RAI1: variants seen among roughly 807,000 people sequenced by gnomAD.
RAI1 encodes retinoic acid induced 1, also known as retinoic acid-induced protein 1.
RAI1 carries 9 observed loss-of-function variants against 123.8 expected under a neutral mutation model. The observed-to-expected ratio is 0.07, with a 90% CI of 0.04 to 0.13. The LOEUF (loss-of-function observed/expected upper bound fraction) is 0.13, where lower values mean the gene tolerates loss of function less well. RAI1 is among the 10% of genes least tolerant of loss of function. The pLI, the probability that RAI1 is intolerant of heterozygous loss-of-function variation, is 1.00. For missense variants in RAI1, 2,256 were observed against 2,545.8 expected (o/e 0.89, Z 2.45); for synonymous variants, 1,231 against 1,127.3 (o/e 1.09, Z -1.84).
At chr17:17,704,135 T>C (rs1280669546) in intron 1 of RAI1, among the ~76,000 whole-genome samples, 1 of 151,998 alleles carries the variant, frequency 6.6e-6, no homozygotes, top group Non-Finnish European at 1.5e-5. Flanking sequence ...GAAAGTGGAG[T>C]GCGTGTGCTC....
At chr17:17,803,552 A>G (rs372630153) in intron 3 of RAI1, among the ~76,000 whole-genome samples, 1 of 151,906 alleles carries the variant, frequency 6.6e-6, no homozygotes, top group Non-Finnish European at 1.5e-5. Flanking sequence ...ACACACCACC[A>G]ACCCTCACTA....
At chr17:17,705,580 G>A (rs899891974) in intron 1 of RAI1, among the ~76,000 whole-genome samples, 1 of 136,530 alleles carries the variant, frequency 7.3e-6, no homozygotes, top group Admixed American at 7.4e-5. Context: ...ACAAAAACGA[G>A]CCAGGTGTGG....
In RAI1 at chr17:17,793,779, C is replaced by CCAGCAGCAGCAGCAGCAGCAGCAG. The variant is rs371983878; in HGVS notation, c.849_872dup (p.Gln284_Gln291dup). 8.1e-6 allele frequency: 11 copies of CCAGCAGCAGCAGCAGCAGCAGCAG among 1,357,644 alleles called. No individual in the cohort carries two copies. Among genetic ancestry groups the CCAGCAGCAGCAGCAGCAGCAGCAG allele is most frequent in the African/African-American group, 3.8e-5 (2 of 52,360 alleles). 84.1% of individuals were successfully genotyped at this position (1,357,644 alleles called of 1,614,324 possible). A position where few individuals can be genotyped will look rare whatever the true frequency, so the allele number is the denominator to read the frequency against. ...ACCAGTCGGGCCGCCTCAGCTATGA[C>CCAGCAGCAGCAGCAGCAGCAGCAG]CAGCAGCAGCAGCAGCAGCAGCAGC... On this transcript the variant is annotated inframe_insertion, in exon 3 of 6. Transcript: ENST00000353383.
At chr17:17,720,248 T>C (rs937809557) in intron 1 of RAI1, among the ~76,000 whole-genome samples, 4 of 152,334 alleles carry the variant, frequency 2.6e-5, no homozygotes, top group Non-Finnish European at 5.9e-5. Context: ...AGATAGTGCT[T>C]GGCAAACAAA....
chr17:17,706,913 T>C (rs964142863), intron 1 of RAI1, among the ~76,000 whole-genome samples: 5 of 152,228 alleles, frequency 3.3e-5, no homozygotes, highest in Non-Finnish European at 4.4e-5. Flanking sequence ...AACACAGTTA[T>C]TGAGATCCTA....
chr17:17,722,999 C>G (rs1270978413), intron 1 of RAI1, among the ~76,000 whole-genome samples: 2 of 152,180 alleles, frequency 1.3e-5, no homozygotes, highest in African/African-American at 4.8e-5. Context: ...GATCCAGCCA[C>G]ACACGCAACC....
At chr17:17,792,781 C>A (rs1261827883) in intron 2 of RAI1, among the ~76,000 whole-genome samples, 152 bp from the exon 3 acceptor site, 1 of 18,422 alleles carries the variant, frequency 5.4e-5, no homozygotes, top group Admixed American at 8.4e-4. Flanking sequence ...AAGAGCTGCG[C>A]GGGGGAGCAG....
In RAI1 at chr17:17,687,417, G is replaced by T. The variant is rs536572690; in HGVS notation, c.-149+5624G>T. Among the ~76,000 whole-genome samples the T allele has an allele frequency of 7.9e-5, 12 of 152,258 alleles. No individual in the cohort carries two copies. In the South Asian group the frequency reaches 2.3e-3, roughly 29 times the overall value. Reference sequence around the variant, plus strand: ...CAAGTCACCCACTCCTTGGGCATGAGAAACCAGGGACCCCGTGGAGACAGC... The same window carrying T: ...CAAGTCACCCACTCCTTGGGCATGATAAACCAGGGACCCCGTGGAGACAGC... On this transcript the variant is annotated intron_variant, in intron 1 of 5. Coordinates refer to ENST00000353383, the MANE Select transcript of RAI1 (RefSeq NM_030665.4).
intron 2 of RAI1, among the ~76,000 whole-genome samples, chr17:17,735,947 G>A (rs899403560): frequency 7.9e-5 from 12 of 152,186 alleles, no homozygotes; most frequent in Non-Finnish European, 1.8e-4. Flanking sequence ...GGAATATAGG[G>A]GACTGTGATT....
intron 2 of RAI1, among the ~76,000 whole-genome samples, chr17:17,742,256 A>G (rs1305279240): frequency 6.6e-6 from 1 of 152,238 alleles, no homozygotes; most frequent in Non-Finnish European, 1.5e-5. Context: ...CTCCCAGCCC[A>G]GCCTCTGATC....
rs536026559 is a variant in RAI1 at position 17,717,717 on chromosome 17, C to G, written c.-148-6311C>G. Among the ~76,000 whole-genome samples the G allele has an allele frequency of 2.6e-5, 4 of 152,292 alleles. No homozygotes were observed. The East Asian group carries it at 7.7e-4, about 29-fold the overall frequency. ...CCCAGGGCCTTGCCTCTTTTAAGTT[C>G]AGCAGATTTGACTTCACTCAGACGC... On this transcript the variant is annotated intron_variant, in intron 1 of 5. Coordinates refer to ENST00000353383, the MANE Select transcript of RAI1 (RefSeq NM_030665.4).
intron 2 of RAI1, among the ~76,000 whole-genome samples, chr17:17,754,485 C>T (rs1266391583): frequency 6.6e-6 from 1 of 152,172 alleles, no homozygotes; most frequent in Admixed American, 6.5e-5. Context: ...ATCCGCCTGC[C>T]TCGGCCTCCC....
intron 2 of RAI1, among the ~76,000 whole-genome samples, chr17:17,772,646 C>G (rs1397812844): frequency 6.6e-6 from 1 of 152,222 alleles, no homozygotes; most frequent in Non-Finnish European, 1.5e-5. Context: ...CAGGCTTTTC[C>G]TCTTTCCCTT....
chr17:17,774,706 C>G (rs898357729), intron 2 of RAI1, among the ~76,000 whole-genome samples: 1 of 152,280 alleles, frequency 6.6e-6, no homozygotes, highest in Non-Finnish European at 1.5e-5. Context: ...AACTTTCCCT[C>G]TGTTATAAAA....
In RAI1 at chr17:17,744,365, G is replaced by A. The variant is rs370223281; in HGVS notation, c.-17+20206G>A. 4.9e-4 allele frequency among the ~76,000 whole-genome samples: 75 copies of A among 152,244 alleles called. 1 individual carries two copies. The highest frequency in any genetic ancestry group is 1.7e-3 in the African/African-American group (69 of 41,450). ...ACCCTCAGGGTGGCCATGAGGGTCA[G>A]TAGCCAGAAAGGCAAGGCCCCACAC... On this transcript the variant is annotated intron_variant, in intron 2 of 5. Transcript: ENST00000353383.
At position 17,794,325 on chromosome 17, in the gene RAI1, G is replaced by A. The variant is rs1430207310; in HGVS notation, c.1377G>A (p.Val459=). ...AGCTGCTGCTCTCCAAGGCTGCTGT[G>A]CCGCAGAAGAAAGGTGTCAAGAACC... ...VQQLLLSKAA[V]PQKKGVKNLV... The change falls in exon 3 of 6, where the codon GTG becomes GTA. Residue 459 remains valine, a synonymous_variant. Coordinates refer to ENST00000353383, the MANE Select transcript of RAI1 (RefSeq NM_030665.4). The A allele has an allele frequency of 1.2e-6, 2 of 1,613,134 alleles. No homozygotes were observed. Among genetic ancestry groups the A allele is most frequent in the Non-Finnish European group, 1.7e-6 (2 of 1,180,016 alleles).
intron 2 of RAI1, among the ~76,000 whole-genome samples, chr17:17,779,849 A>C (rs1318588915): frequency 7.0e-6 from 1 of 142,090 alleles, no homozygotes; most frequent in Non-Finnish European, 1.5e-5. Flanking sequence ...ATCTTGGCTC[A>C]CTGCAGGCTC....
intron 2 of RAI1, among the ~76,000 whole-genome samples, chr17:17,756,693 C>T (rs938301924): frequency 6.6e-6 from 1 of 152,312 alleles, no homozygotes; most frequent in East Asian, 1.9e-4. Flanking sequence ...GTCCCAGGTG[C>T]TCAGGACACA....
chr17:17,804,933 G>A (rs1418281708), intron 4 of RAI1, among the ~76,000 whole-genome samples: 1 of 151,938 alleles, frequency 6.6e-6, no homozygotes, highest in East Asian at 1.9e-4. Context: ...TGCGATCTTG[G>A]CTCACTGCAA....
Sources: gnomAD v4.1 joint callset for allele counts (sites outside exome capture counted in the v4.1 genomes callset) on GRCh38, gnomAD v4.1.1 for gene constraint, MANE v1.5 for transcripts, NCBI Gene and HGNC (gene_info 2026-07-23, HGNC 2026-07-21) for gene names.